ELP1: variants seen among roughly 807,000 people sequenced by gnomAD.
ELP1 encodes elongator acetyltransferase complex subunit 1, also known as elongator complex protein 1.
ELP1 carries 131 observed loss-of-function variants against 183.2 expected under a neutral mutation model. That is an observed-to-expected ratio of 0.72 (90% CI 0.62 to 0.83). The LOEUF (loss-of-function observed/expected upper bound fraction) is 0.83, where lower values mean the gene tolerates loss of function less well. Among genes scored for constraint, ELP1 ranks in the 40% least tolerant of loss-of-function variants. The probability of loss-of-function intolerance (pLI) is 0.00; values close to 1 mark genes in which losing one functional copy is unlikely to be tolerated. For synonymous variants in ELP1, 555 were observed against 569.0 expected (o/e 0.98, Z 0.35); for missense variants, 1,550 against 1,594.9 (o/e 0.97, Z 0.48).
chr9:108,890,222 G>A (rs145271102), intron 28 of ELP1, among the ~76,000 whole-genome samples: 101 of 152,210 alleles, frequency 6.6e-4, no homozygotes, highest in Non-Finnish European at 1.0e-3. Context: ...CTGAAATAAG[G>A]AATTCTCGAC....
rs1829992932 is a variant in ELP1 at position 108,931,129 on chromosome 9, T to A, written c.18A>T (p.Leu6Phe). 1.2e-6 allele frequency: 2 copies of A among 1,614,112 alleles called. No individual in the cohort carries two copies. Among genetic ancestry groups the A allele is most frequent in the Non-Finnish European group, 1.7e-6 (2 of 1,179,992 alleles). The change falls in exon 2 of 37, where the codon TTA (leucine) becomes TTT (phenylalanine). Residue 6 changes from leucine (L) to phenylalanine (F), a missense_variant. Leu to Phe is a conservative substitution (Grantham distance 22). Transcript: ENST00000374647. Reference protein sequence around the residue: MRNLKLFRTLEFRDIQ... With the variant: MRNLKFFRTLEFRDIQ... ...TATCCCTGAACTCCAGGGTCCGAAA[T>A]AATTTCAGATTTCGCATGATGAAGT...
At chr9:108,905,593 C>T (rs144507341) in intron 14 of ELP1, among the ~76,000 whole-genome samples, 40 of 152,248 alleles carry the variant, frequency 2.6e-4, no homozygotes, top group Middle Eastern at 6.8e-3. Flanking sequence ...TTTGAAGTCA[C>T]CACATCAAAA....
At position 108,921,245 on chromosome 9, in the gene ELP1, T is replaced by C. The variant is rs369371125; in HGVS notation, c.552+1597A>G. Among the ~76,000 whole-genome samples, 1,106 of 152,206 alleles carry C rather than the reference T, an allele frequency of 7.3e-3. 15 individuals are homozygous for C. The highest frequency in any genetic ancestry group is 0.025 in the African/African-American group (1,051 of 41,536). ...ATCCCCAAAAGAAACCCCATATCCA[T>C]TAGCAGTCACCCCTTCCCCACCCCA... is the stretch of plus-strand genomic sequence containing the variant. On this transcript the variant is annotated intron_variant, in intron 6 of 36. Coordinates refer to ENST00000374647, the MANE Select transcript of ELP1 (RefSeq NM_003640.5).
At chr9:108,895,161 G>A (rs7019586) in intron 25 of ELP1, among the ~76,000 whole-genome samples, 13,242 of 152,162 alleles carry the variant, frequency 0.087, 669 homozygotes, top group East Asian at 0.16. Context: ...CCTAGGAGGC[G>A]TAGGTTGCAG....
At chr9:108,896,715 C>T in intron 24 of ELP1, 71 bp from the exon 25 acceptor site, 2 of 1,436,500 alleles carry the variant, frequency 1.4e-6, no homozygotes, top group South Asian at 2.3e-5. Flanking sequence ...AACAACATAA[C>T]CAAAAAGACA....
chr9:108,898,171 T>G (rs1330430850), intron 22 of ELP1, among the ~76,000 whole-genome samples: 1 of 152,220 alleles, frequency 6.6e-6, no homozygotes, highest in African/African-American at 2.4e-5. Context: ...ATTTTGAAAG[T>G]GTTTCATTAA....
At chr9:108,927,923 GT>G (rs778774132) in intron 3 of ELP1, among the ~76,000 whole-genome samples, 8 of 152,014 alleles carry the variant, frequency 5.3e-5, no homozygotes, top group Non-Finnish European at 8.8e-5. Flanking sequence ...AGTTGGGATG[GT>G]TAATAGGTAC....
At chr9:108,913,003 G>A (rs979552788) in intron 10 of ELP1, among the ~76,000 whole-genome samples, 6 of 151,682 alleles carry the variant, frequency 4.0e-5, no homozygotes, top group South Asian at 2.1e-4. Context: ...CTTGTGATCC[G>A]CCTGCCTCGG....
rs553405967 is a variant in ELP1, at chr9:108,909,126, C to A, written c.1361-722G>T. On this transcript the variant is annotated intron_variant, in intron 12 of 36. Transcript: ENST00000374647. ...GGTCTCTGCTTCAATGTCACCTTCA[C>A]AGAGAGGCCTTTGGGATCACACTAA... Among the ~76,000 whole-genome samples, 3 of 152,228 alleles carry A rather than the reference C, an allele frequency of 2.0e-5. No individual in the cohort carries two copies. The South Asian group carries it at 6.2e-4, about 32-fold the overall frequency.
intron 29 of ELP1, among the ~76,000 whole-genome samples, chr9:108,888,485 GA>G (rs1426536552): frequency 2.6e-5 from 4 of 151,874 alleles, no homozygotes; most frequent in African/African-American, 9.7e-5. Flanking sequence ...CCTTTACAAA[GA>G]AAAAAAGATA....
At chr9:108,926,894 C>T (rs1186658845) in intron 4 of ELP1, among the ~76,000 whole-genome samples, 1 of 152,174 alleles carries the variant, frequency 6.6e-6, no homozygotes, top group African/African-American at 2.4e-5. Context: ...CAAGATACCT[C>T]TAAATATAAA....
intron 9 of ELP1, 67 bp downstream of exon 9, chr9:108,917,480 A>AG: frequency 4.5e-6 from 7 of 1,560,862 alleles, no homozygotes; most frequent in Non-Finnish European, 6.1e-6. Flanking sequence ...AAAAAAAAAA[A>AG]AAAAATTCCC....
At chr9:108,908,430 T>G (rs974633854) in intron 12 of ELP1, 26 bp from the exon 13 acceptor site, 3 of 1,522,064 alleles carry the variant, frequency 2.0e-6, no homozygotes, top group Non-Finnish European at 1.8e-6. Flanking sequence ...GCAAATATTA[T>G]CATCGTAAAT....
chr9:108,927,822 C>G (rs912747842), intron 3 of ELP1, among the ~76,000 whole-genome samples: 2 of 151,950 alleles, frequency 1.3e-5, no homozygotes, highest in African/African-American at 2.4e-5. Context: ...CTTATTTGTG[C>G]GATCTAAAAA....
chr9:108,919,739 C>G (rs1320429371), intron 6 of ELP1, among the ~76,000 whole-genome samples: 1 of 152,134 alleles, frequency 6.6e-6, no homozygotes, highest in Non-Finnish European at 1.5e-5. Context: ...AGCTTCACAA[C>G]AGGGCACAGA....
chr9:108,869,156 T>C lies in ELP1; in HGVS notation c.3958A>G (p.Ile1320Val). The C allele has an allele frequency of 6.2e-7, 1 of 1,614,140 alleles. No individual in the cohort carries two copies. The highest frequency in any genetic ancestry group is 8.5e-7 in the Non-Finnish European group (1 of 1,180,008). Residue 1320 changes from isoleucine to valine, a missense_variant, in exon 37 of 37, where the codon ATC (isoleucine) becomes GTC (valine). Transcript: ENST00000374647. ...LDAELFIPPK[I>V]NRRTQWKLSL... ...AGCTTCCACTGGGTTCTTCTGTTGA[T>C]CTTTGGTGGTATAAAAAGCTCAGCA...
At chr9:108,883,217 G>A (rs756169802) in intron 29 of ELP1, among the ~76,000 whole-genome samples, 3 of 152,198 alleles carry the variant, frequency 2.0e-5, no homozygotes, top group Non-Finnish European at 2.9e-5. Flanking sequence ...AGGCTGAAGT[G>A]CAGTGGCGTG....
At chr9:108,894,453 T>G (rs1238960627) in intron 25 of ELP1, among the ~76,000 whole-genome samples, 1 of 152,142 alleles carries the variant, frequency 6.6e-6, no homozygotes, top group Admixed American at 6.5e-5. Context: ...GAGATCCACA[T>G]TTAGATAAAC....
rs992251118 is a variant in ELP1, at chr9:108,867,674, C to A, written c.*1441G>T. The A allele has an allele frequency of 6.6e-6, 1 of 152,176 alleles. No individual in the cohort carries two copies. Among genetic ancestry groups the A allele is most frequent in the African/African-American group, 2.4e-5 (1 of 41,434 alleles). The allele number at this position is 152,176 out of a possible 1,614,324, so 9.4% of individuals were successfully genotyped here. ...GTACTTGCAGCCTTTCAATATTGGG[C>A]ACTTAATTACAGCAAACCCATGTAA... On this transcript the variant is annotated 3_prime_UTR_variant, in exon 37 of 37. Coordinates refer to ENST00000374647, the MANE Select transcript of ELP1 (RefSeq NM_003640.5).
Sources: allele counts gnomAD v4.1 joint callset (sites outside exome capture counted in the v4.1 genomes callset), GRCh38; gene constraint gnomAD v4.1.1; transcripts MANE v1.5; gene names NCBI Gene and HGNC (gene_info 2026-07-23, HGNC 2026-07-21).